The following NCKAP5 variants were observed in gnomAD, a reference collection of about 807,000 sequenced individuals.
NCKAP5 encodes NCK associated protein 5, also known as nck-associated protein 5.
A neutral mutation model predicts 167.0 loss-of-function variants in NCKAP5; 92 were observed. The ratio of observed to expected loss-of-function variants is 0.55; its 90% CI spans 0.47 to 0.66. NCKAP5 has a LOEUF of 0.66. Ranked by LOEUF, NCKAP5 falls within the 30% of genes least tolerant of loss-of-function variation. NCKAP5 has a pLI of 0.00. For synonymous variants in NCKAP5, 891 were observed against 877.4 expected (o/e 1.02, Z -0.27); for missense variants, 2,378 against 2,315.0 (o/e 1.03, Z -0.56).
the NCKAP5 span, among the ~76,000 whole-genome samples, chr2:133,636,312 G>C: frequency 6.6e-6 from 1 of 152,182 alleles, no homozygotes; most frequent in Non-Finnish European, 1.5e-5. Flanking sequence ...CAAAGACAGA[G>C]CCACAGGAAA....
At chr2:132,854,894 C>G (rs1213274341) in intron 11 of NCKAP5, among the ~76,000 whole-genome samples, 4 of 152,022 alleles carry the variant, frequency 2.6e-5, no homozygotes, top group African/African-American at 9.7e-5. Flanking sequence ...GAAGGAAAAC[C>G]TATGTCATGC....
intron 6 of NCKAP5, among the ~76,000 whole-genome samples, chr2:133,088,414 C>A (rs987545833): frequency 1.8e-4 from 27 of 152,146 alleles, no homozygotes; most frequent in Non-Finnish European, 3.2e-4. Flanking sequence ...TCTCACCCCT[C>A]TTCTTTTCAA....
intron 15 of NCKAP5, among the ~76,000 whole-genome samples, chr2:132,780,623 C>G (rs191750729): frequency 2.6e-5 from 4 of 152,256 alleles, no homozygotes; most frequent in Admixed American, 2.6e-4. Context: ...TAAATCAAAT[C>G]ATCAAAATAG....
At chr2:133,380,966 A>G (rs1477374496) in intron 3 of NCKAP5, among the ~76,000 whole-genome samples, 1 of 152,240 alleles carries the variant, frequency 6.6e-6, no homozygotes, top group Non-Finnish European at 1.5e-5. Context: ...ACTGAACAAA[A>G]TTAACTAGAC....
chr2:133,278,207 T>C (rs1423961383), intron 4 of NCKAP5, among the ~76,000 whole-genome samples: 1 of 152,188 alleles, frequency 6.6e-6, no homozygotes, highest in Non-Finnish European at 1.5e-5. Flanking sequence ...ATCGCAAATG[T>C]AGTGACCTAA....
chr2:133,079,712 T>C (rs902247068), intron 6 of NCKAP5, among the ~76,000 whole-genome samples: 18 of 152,190 alleles, frequency 1.2e-4, no homozygotes, highest in Admixed American at 2.0e-4. Flanking sequence ...GTCAATATCA[T>C]TGTAATGTTC....
chr2:132,977,899 T>C (rs973647856), intron 7 of NCKAP5, among the ~76,000 whole-genome samples: 5 of 152,188 alleles, frequency 3.3e-5, no homozygotes, highest in African/African-American at 1.2e-4. Flanking sequence ...TTTTTATCCC[T>C]AACCCCTCAA....
chr2:133,525,784 G>C (rs1684821321), intron 2 of NCKAP5, among the ~76,000 whole-genome samples: 1 of 151,994 alleles, frequency 6.6e-6, no homozygotes, highest in South Asian at 2.1e-4. Context: ...ACTTCTTGAG[G>C]CCTCATCAAG....
intron 3 of NCKAP5, among the ~76,000 whole-genome samples, chr2:133,305,381 T>A (rs1680708463): frequency 6.6e-6 from 1 of 152,204 alleles, no homozygotes; most frequent in South Asian, 2.1e-4. Context: ...GAGGGATAAA[T>A]AATGCTTCAT....
chr2:133,455,434 C>A (rs1479256887), intron 3 of NCKAP5, among the ~76,000 whole-genome samples: 2 of 152,184 alleles, frequency 1.3e-5, no homozygotes, highest in South Asian at 4.1e-4. Flanking sequence ...CCTTCGCCAT[C>A]TCATATTTTT....
intron 6 of NCKAP5, among the ~76,000 whole-genome samples, chr2:133,050,282 A>G (rs542776939): frequency 6.6e-6 from 1 of 152,294 alleles, no homozygotes; most frequent in Non-Finnish European, 1.5e-5. Context: ...TGTGTATAGA[A>G]GATTCAGTGG....
intron 5 of NCKAP5, among the ~76,000 whole-genome samples, chr2:133,165,215 A>G (rs1191316497): frequency 6.6e-6 from 1 of 152,122 alleles, no homozygotes; most frequent in Admixed American, 6.5e-5. Context: ...AGGGAGATAA[A>G]CCCTGACAAA....
chr2:133,278,991 C>T (rs2089842392), intron 4 of NCKAP5, among the ~76,000 whole-genome samples: 1 of 152,190 alleles, frequency 6.6e-6, no homozygotes, highest in Non-Finnish European at 1.5e-5. Context: ...GATTGGGAGA[C>T]ATTTAGATGT....
chr2:132,979,990 C>CTTTTTTT (rs1179720276), intron 7 of NCKAP5, among the ~76,000 whole-genome samples: 1 of 145,604 alleles, frequency 6.9e-6, no homozygotes, highest in African/African-American at 2.7e-5. Flanking sequence ...TTTTCTTTTT[C>CTTTTTTT]TTTTTCTTTT....
At chr2:133,118,658 G>A (rs1352988000) in intron 6 of NCKAP5, 4 of 152,162 alleles carry the variant, frequency 2.6e-5, no homozygotes, top group Admixed American at 2.0e-4. Flanking sequence ...CTGTAATCAA[G>A]TGAGTAAAGT....
At chr2:133,062,350 A>G (rs2080037599) in intron 6 of NCKAP5, among the ~76,000 whole-genome samples, 1 of 152,098 alleles carries the variant, frequency 6.6e-6, no homozygotes, top group South Asian at 2.1e-4. Flanking sequence ...ATGAAGCAAC[A>G]CTCTTTGGCG....
intron 3 of NCKAP5, chr2:133,391,013 A>G (rs1374342530): frequency 2.0e-5 from 3 of 152,214 alleles, no homozygotes; most frequent in African/African-American, 4.8e-5. Context: ...ATGCCTCACC[A>G]TGTAGATGGA....
At chr2:133,659,443 T>C in the NCKAP5 span, among the ~76,000 whole-genome samples, 1 of 152,226 alleles carries the variant, frequency 6.6e-6, no homozygotes, top group South Asian at 2.1e-4. Context: ...GAAGAACTTT[T>C]ATTTTTAGAA....
At chr2:132,810,405 C>G (rs969365722) in intron 11 of NCKAP5, among the ~76,000 whole-genome samples, 1 of 152,100 alleles carries the variant, frequency 6.6e-6, no homozygotes, top group Admixed American at 6.5e-5. Flanking sequence ...TCAGGAACAC[C>G]GATTATTCTT....
Sources: allele counts gnomAD v4.1 joint callset (sites outside exome capture counted in the v4.1 genomes callset), GRCh38; gene constraint gnomAD v4.1.1; transcripts MANE v1.5; gene names NCBI Gene and HGNC (gene_info 2026-07-23, HGNC 2026-07-21).